The following TMEM131 variants were observed in gnomAD, a reference collection of about 807,000 sequenced individuals.
TMEM131 encodes the protein transmembrane protein 131.
In TMEM131, 66 loss-of-function variants were observed where a neutral mutation model predicts 211.6. The observed-to-expected ratio is 0.31, with a 90% CI of 0.26 to 0.38. The LOEUF (loss-of-function observed/expected upper bound fraction) is 0.38. Among genes scored for constraint, TMEM131 ranks in the 10% least tolerant of loss-of-function variants. The pLI is 1.00. For synonymous variants in TMEM131, 844 were observed against 841.3 expected, an observed-to-expected ratio of 1.00 and a Z score of -0.06; for missense variants, 2,036 against 2,299.3, an observed-to-expected ratio of 0.89 and a Z score of 2.34.
chr2:97,869,785 CA>C (rs2105217977), intron 4 of TMEM131, among the ~76,000 whole-genome samples: 1 of 152,308 alleles, frequency 6.6e-6, no homozygotes, highest in South Asian at 2.1e-4. Flanking sequence ...TGTAAACTCA[CA>C]ATGTGTTGCT....
At chr2:97,906,969 GA>G (rs1475010344) in intron 3 of TMEM131, 1 of 152,128 alleles carries the variant, frequency 6.6e-6, no homozygotes, top group Non-Finnish European at 1.5e-5. Flanking sequence ...ATTATACTAG[GA>G]AAATACTTAA....
intron 3 of TMEM131, among the ~76,000 whole-genome samples, chr2:97,893,521 G>A (rs535744624): frequency 5.2e-4 from 79 of 152,220 alleles, no homozygotes; most frequent in Middle Eastern, 3.4e-3. Context: ...GCGTAAAAGC[G>A]TTCCTATTTC....
chr2:97,853,885 A>G (rs1673731533), intron 5 of TMEM131, among the ~76,000 whole-genome samples: 1 of 152,210 alleles, frequency 6.6e-6, no homozygotes, highest in South Asian at 2.1e-4. Context: ...TGGTTTCGTG[A>G]GATGAAATCT....
chr2:97,935,719 T>C (rs1405421286), intron 1 of TMEM131, among the ~76,000 whole-genome samples: 1 of 152,068 alleles, frequency 6.6e-6, no homozygotes, highest in Non-Finnish European at 1.5e-5. Context: ...CATTTGAAAA[T>C]TCTAACAAGA....
At chr2:97,853,949 A>C (rs1173500133) in intron 5 of TMEM131, among the ~76,000 whole-genome samples, 2 of 152,230 alleles carry the variant, frequency 1.3e-5, no homozygotes, top group Non-Finnish European at 2.9e-5. Flanking sequence ...AGAACTTAGA[A>C]TACTACATAA....
intron 1 of TMEM131, among the ~76,000 whole-genome samples, chr2:97,954,355 A>G (rs1269747707): frequency 1.3e-5 from 2 of 152,246 alleles, no homozygotes; most frequent in African/African-American, 2.4e-5. Context: ...TTAGAAGATT[A>G]CTAAGGGCAT....
In TMEM131 at chr2:97,802,509, G is replaced by A. The variant is rs370794667; in HGVS notation, c.2570C>T (p.Ala857Val). 98 of 1,611,770 alleles carry A rather than the reference G, an allele frequency of 6.1e-5. No homozygotes were observed. Among genetic ancestry groups the A allele is most frequent in the Non-Finnish European group, 8.0e-5 (94 of 1,179,242 alleles). The change falls in exon 24 of 41, where the codon GCA becomes GTA. Residue 857 changes from alanine (A) to valine (V), a missense_variant. Coordinates refer to ENST00000186436, the MANE Select transcript of TMEM131 (RefSeq NM_015348.2). ...SEEEITLENPADVPVYVQFIP... is the reference protein window; with the variant it reads ...SEEEITLENPVDVPVYVQFIP... The stretch of plus-strand genomic sequence containing the variant: ...AAACTGAACATAGACAGGAACATCT[G>A]CAGGATTTTCTAAAGTAATCTCTTC...
In TMEM131 at chr2:97,796,860, T is replaced by C. The variant is rs1338414603; in HGVS notation, c.2997A>G (p.Leu999=). 6.2e-7 allele frequency: 1 copy of C among 1,613,856 alleles called. No individual in the cohort carries two copies. Among genetic ancestry groups the C allele is most frequent in the Admixed American group, 1.7e-5 (1 of 60,010 alleles). The part of the protein sequence containing the change: ...SLRFKITEAL[L]KDCTDSLKLR... ...AAGACTTACTATCTGTACAATCTTTTAACAATGCTTCCGTGATTTTAAAGC... is the reference window on the plus strand; with the variant it reads ...AAGACTTACTATCTGTACAATCTTTCAACAATGCTTCCGTGATTTTAAAGC... The change falls in exon 27 of 41, where the codon TTA becomes TTG. Residue 999 remains leucine, a synonymous_variant. Transcript: ENST00000186436.
chr2:97,891,290 G>A (rs1451789770), intron 3 of TMEM131, among the ~76,000 whole-genome samples: 1 of 151,982 alleles, frequency 6.6e-6, no homozygotes, highest in Non-Finnish European at 1.5e-5. Flanking sequence ...GAGAGACAGG[G>A]GTCTCGTTAT....
At chr2:97,882,672 G>A (rs1674985756) in intron 4 of TMEM131, among the ~76,000 whole-genome samples, 1 of 152,128 alleles carries the variant, frequency 6.6e-6, no homozygotes, top group African/African-American at 2.4e-5. Context: ...TGCTTAACCA[G>A]CTCTCTCAAA....
chr2:97,760,227 T>A (rs1251206268), intron 38 of TMEM131: 1 of 295,284 alleles, frequency 3.4e-6, no homozygotes, highest in East Asian at 7.9e-5. Context: ...ATAAATTGGC[T>A]AGTATTTGCT....
intron 5 of TMEM131, among the ~76,000 whole-genome samples, chr2:97,846,356 GT>G (rs1273553969): frequency 1.3e-5 from 2 of 152,142 alleles, no homozygotes; most frequent in African/African-American, 4.8e-5. Flanking sequence ...TGAGCAAGTA[GT>G]TTTTAACCTA....
At chr2:97,849,610 C>T (rs1221558626) in intron 5 of TMEM131, among the ~76,000 whole-genome samples, 1 of 150,820 alleles carries the variant, frequency 6.6e-6, no homozygotes, top group Non-Finnish European at 1.5e-5. Context: ...AATTTCACTG[C>T]AAGTATACTA....
At chr2:97,796,189 T>G (rs956985654) in intron 28 of TMEM131, 29 bp downstream of exon 28, 1 of 1,339,060 alleles carries the variant, frequency 7.5e-7, no homozygotes, top group African/African-American at 1.5e-5. Context: ...AAGTTAGTGA[T>G]TCATTACACC....
chr2:97,862,460 A>G (rs1409970671), intron 4 of TMEM131, among the ~76,000 whole-genome samples: 1 of 152,172 alleles, frequency 6.6e-6, no homozygotes, highest in Non-Finnish European at 1.5e-5. Flanking sequence ...GGCTGTTTTG[A>G]GGAAATTCAA....
chr2:97,834,601 C>A lies in TMEM131; in HGVS notation c.1012+20G>T. 6.7e-7 allele frequency: 1 copy of A among 1,503,286 alleles called. No homozygotes were observed. Among genetic ancestry groups the A allele is most frequent in the African/African-American group, 1.4e-5 (1 of 70,324 alleles). The allele number at this position is 1,503,286 out of a possible 1,614,324, so 93.1% of individuals were successfully genotyped here. On this transcript the variant is annotated intron_variant, in intron 10 of 40. Coordinates refer to ENST00000186436, the MANE Select transcript of TMEM131 (RefSeq NM_015348.2). ...AAAAAAAAAAAACTCCATAAAGACT[C>A]TTTTAAAAGATTTTTTTACCTTGTG...
intron 4 of TMEM131, among the ~76,000 whole-genome samples, chr2:97,862,161 A>T (rs1250690960): frequency 1.3e-5 from 2 of 152,192 alleles, no homozygotes; most frequent in African/African-American, 4.8e-5. Context: ...CAAGAACCAC[A>T]GTGTTGCTGG....
intron 4 of TMEM131, 92 bp downstream of exon 4, chr2:97,887,960 T>C (rs892088734): frequency 2.1e-5 from 21 of 988,882 alleles, no homozygotes; most frequent in African/African-American, 8.1e-5. Flanking sequence ...CTTTCCCACA[T>C]AGATGTAACA....
At chr2:97,901,983 T>C (rs1477564378) in intron 3 of TMEM131, among the ~76,000 whole-genome samples, 1 of 152,166 alleles carries the variant, frequency 6.6e-6, no homozygotes, top group Admixed American at 6.6e-5. Flanking sequence ...ATGATAAATG[T>C]TCAAGGTGAT....
Sources: gnomAD v4.1 joint callset for allele counts (sites outside exome capture counted in the v4.1 genomes callset) on GRCh38, gnomAD v4.1.1 for gene constraint, MANE v1.5 for transcripts, NCBI Gene and HGNC (gene_info 2026-07-23, HGNC 2026-07-21) for gene names.